DSCAM: variants seen among roughly 807,000 people sequenced by gnomAD.
DSCAM encodes the protein cell adhesion molecule DSCAM.
Under a neutral mutation model 217.7 loss-of-function variants are expected in DSCAM, and 47 were observed. The ratio of observed to expected loss-of-function variants is 0.22; its 90% confidence interval spans 0.17 to 0.28. The LOEUF (loss-of-function observed/expected upper bound fraction) is 0.28, where lower values mean the gene tolerates loss of function less well. DSCAM is among the 10% of genes least tolerant of loss of function. The pLI, the probability that DSCAM is intolerant of heterozygous loss-of-function variation, is 1.00. For missense variants in DSCAM, 2,080 were observed against 2,618.3 expected (o/e 0.79, Z 4.49); for synonymous variants, 1,056 against 1,015.3 (o/e 1.04, Z -0.76).
chr21:40,572,387 AG>A (rs1199176726), intron 3 of DSCAM, among the ~76,000 whole-genome samples: 5 of 152,208 alleles, frequency 3.3e-5, no homozygotes, highest in Admixed American at 6.5e-5. Context: ...GCAGGAAATA[AG>A]AAAGAGAAAC....
intron 13 of DSCAM, 25 bp downstream of exon 13, chr21:40,187,866 T>G: frequency 6.3e-7 from 1 of 1,587,798 alleles, no homozygotes; most frequent in Non-Finnish European, 8.6e-7. Flanking sequence ...ACTGTGTTTA[T>G]TCTCTTACGC....
At chr21:40,314,585 A>G (rs893342591) in intron 8 of DSCAM, among the ~76,000 whole-genome samples, 7 of 152,204 alleles carry the variant, frequency 4.6e-5, no homozygotes, top group African/African-American at 1.7e-4. Flanking sequence ...CAAGTGGCAT[A>G]AATGCTCACT....
In DSCAM at chr21:40,052,998, T is replaced by C. The variant is rs367802365; in HGVS notation, c.5036-891A>G. On this transcript the variant is annotated intron_variant, in intron 29 of 32. Coordinates refer to ENST00000400454, the MANE Select transcript of DSCAM (RefSeq NM_001389.5). ...CTAGGATATACAGATTTTTCATAAA[T>C]TTTCAAAGATTGCAGCCCAGGATGC... Among the ~76,000 whole-genome samples the C allele has an allele frequency of 1.4e-4, 21 of 152,324 alleles. No homozygotes were observed. In the East Asian group the frequency reaches 2.7e-3, roughly 20 times the overall value.
intron 2 of DSCAM, among the ~76,000 whole-genome samples, chr21:40,704,866 A>AT (rs2090695776): frequency 6.6e-6 from 1 of 152,236 alleles, no homozygotes; most frequent in Non-Finnish European, 1.5e-5. Context: ...GAGGGTTTAT[A>AT]GCCAATGAAC....
intron 3 of DSCAM, among the ~76,000 whole-genome samples, chr21:40,372,104 A>G (rs980332389): frequency 1.3e-5 from 2 of 152,304 alleles, no homozygotes; most frequent in African/African-American, 4.8e-5. Flanking sequence ...CTATCAAGGG[A>G]CAACAAGGAC....
intron 3 of DSCAM, among the ~76,000 whole-genome samples, chr21:40,559,995 G>A (rs534941966): frequency 1.4e-4 from 22 of 151,986 alleles, no homozygotes; most frequent in South Asian, 4.2e-4. Flanking sequence ...GGGTTTCACC[G>A]TGTTAGCCAG....
intron 1 of DSCAM, among the ~76,000 whole-genome samples, chr21:40,749,360 TCAAA>T (rs2091205394): frequency 3.9e-5 from 6 of 152,122 alleles, no homozygotes; most frequent in Middle Eastern, 3.4e-3. Flanking sequence ...TATAAGGAAC[TCAAA>T]CAACTCAATA....
chr21:40,101,898 T>G (rs558594233), intron 20 of DSCAM, among the ~76,000 whole-genome samples: 9 of 152,246 alleles, frequency 5.9e-5, no homozygotes, highest in South Asian at 2.1e-4. Context: ...CTTGTTGGAC[T>G]ATCGTTCTCT....
intron 1 of DSCAM, among the ~76,000 whole-genome samples, chr21:40,800,442 T>C: frequency 6.6e-6 from 1 of 152,122 alleles, no homozygotes. Context: ...GCAAGAAAAC[T>C]AAGGGAAGTT....
At chr21:40,276,056 G>A in intron 11 of DSCAM, 41 bp downstream of exon 11, 1 of 1,497,100 alleles carries the variant, frequency 6.7e-7, no homozygotes. Context: ...AGAGACCTAT[G>A]TATTTAAACT....
At chr21:40,169,894 C>G (rs2090636928) in intron 15 of DSCAM, among the ~76,000 whole-genome samples, 1 of 152,082 alleles carries the variant, frequency 6.6e-6, no homozygotes, top group South Asian at 2.1e-4. Context: ...GGATCCCTAT[C>G]TCTCACTCTG....
intron 2 of DSCAM, among the ~76,000 whole-genome samples, chr21:40,701,680 T>A (rs2090658069): frequency 6.7e-6 from 1 of 149,618 alleles, no homozygotes; most frequent in Non-Finnish European, 1.5e-5. Flanking sequence ...TCTGAATTTT[T>A]TTTTTTGACA....
At chr21:40,204,655 A>G (rs1025540884) in intron 11 of DSCAM, among the ~76,000 whole-genome samples, 4 of 152,198 alleles carry the variant, frequency 2.6e-5, no homozygotes, top group Non-Finnish European at 5.9e-5. Context: ...CTGAAAGAAT[A>G]AGGAATACAC....
intron 1 of DSCAM, among the ~76,000 whole-genome samples, chr21:40,818,426 G>A (rs1270302007): frequency 6.6e-6 from 1 of 151,002 alleles, no homozygotes; most frequent in Non-Finnish European, 1.5e-5. Context: ...GGCGCCTGTA[G>A]TCCCAGCTAC....
At position 40,276,234 on chromosome 21, in the gene DSCAM, T is replaced by C. The variant is rs780054228; in HGVS notation, c.2219A>G (p.Asn740Ser). The change falls in exon 11 of 33, where the codon AAT becomes AGT. Residue 740 changes from asparagine (N) to serine (S), a missense_variant. Physicochemically the swap from Asn to Ser is conservative, Grantham distance 46. This residue lies in a region of DSCAM where 218 missense variants were observed against 364.1 expected (regional missense o/e 0.60). Coordinates refer to ENST00000400454, the MANE Select transcript of DSCAM (RefSeq NM_001389.5). ...ATTGCTGAGAACTTGGATTCGGCCA[T>C]TTAGGGCAATTGGCTGGAACTGGGG... ...GVPQFQPIAL[N>S]GRIQVLSNGS... is the part of the protein sequence containing the mutation. 3.1e-6 allele frequency: 5 copies of C among 1,610,972 alleles called. No individual in the cohort carries two copies. The highest frequency in any genetic ancestry group is 4.2e-6 in the Non-Finnish European group (5 of 1,178,882).
intron 27 of DSCAM, among the ~76,000 whole-genome samples, chr21:40,064,798 A>G (rs964337271): frequency 6.6e-6 from 1 of 152,178 alleles, no homozygotes; most frequent in African/African-American, 2.4e-5. Flanking sequence ...TGCACAGTCT[A>G]GACATTAAAG....
intron 4 of DSCAM, among the ~76,000 whole-genome samples, chr21:40,355,274 A>T (rs1228677980): frequency 3.9e-5 from 6 of 152,322 alleles, no homozygotes; most frequent in African/African-American, 1.4e-4. Context: ...GGTATTTGAG[A>T]TAAGGTGAAT....
intron 3 of DSCAM, among the ~76,000 whole-genome samples, chr21:40,669,343 C>G (rs2090241881): frequency 6.6e-6 from 1 of 152,166 alleles, no homozygotes; most frequent in Non-Finnish European, 1.5e-5. Context: ...CTGGTCTCCA[C>G]ACTTCCACAA....
At chr21:40,078,392 C>G (rs1461634401) in intron 26 of DSCAM, among the ~76,000 whole-genome samples, 1 of 152,166 alleles carries the variant, frequency 6.6e-6, no homozygotes, top group African/African-American at 2.4e-5. Flanking sequence ...AACACAAGCA[C>G]AGAACCACAG....
Sources: allele counts gnomAD v4.1 joint callset (sites outside exome capture counted in the v4.1 genomes callset), GRCh38; gene constraint gnomAD v4.1.1; regional missense constraint gnomAD v4.1.1; transcripts MANE v1.5; gene names NCBI Gene and HGNC (gene_info 2026-07-23, HGNC 2026-07-21).